Variants in FAM135A observed in about 807,000 individuals in gnomAD.
FAM135A encodes the protein protein FAM135A.
A neutral mutation model predicts 146.8 loss-of-function variants in FAM135A; 79 were observed. The observed-to-expected ratio is 0.54, with a 90% CI of 0.45 to 0.65. The LOEUF is 0.65. FAM135A is among the 30% of genes least tolerant of loss of function. The pLI is 0.00. For missense variants in FAM135A, 1,623 were observed against 1,758.2 expected, an observed-to-expected ratio of 0.92 and a Z score of 1.38; for synonymous variants, 562 against 603.6, an observed-to-expected ratio of 0.93 and a Z score of 1.01.
intron 4 of FAM135A, among the ~76,000 whole-genome samples, chr6:70,439,135 G>T (rs540215573): frequency 3.2e-4 from 49 of 152,250 alleles, no homozygotes; most frequent in Non-Finnish European, 5.7e-4. Context: ...GATTGCACCA[G>T]CCTAGCCTGG....
intron 7 of FAM135A, 62 bp downstream of exon 7, chr6:70,475,795 A>T (rs772708878): frequency 9.2e-6 from 12 of 1,308,614 alleles, no homozygotes; most frequent in African/African-American, 1.5e-5. Flanking sequence ...TTATTATTAG[A>T]TTGCCCATTT....
intron 12 of FAM135A, among the ~76,000 whole-genome samples, chr6:70,521,876 G>A (rs1012483603): frequency 6.6e-6 from 1 of 152,134 alleles, no homozygotes; most frequent in Admixed American, 6.5e-5. Context: ...TACATGTTTT[G>A]TGGGGATGCA....
chr6:70,453,338 G>T lies in FAM135A; in HGVS notation c.157+767G>T, dbSNP rs535452694. Among the ~76,000 whole-genome samples the T allele has an allele frequency of 2.0e-5, 3 of 152,210 alleles. No individual in the cohort carries two copies. In the South Asian group the frequency reaches 6.2e-4, roughly 32 times the overall value. On this transcript the variant is annotated intron_variant, in intron 5 of 21. Coordinates refer to ENST00000418814, the MANE Select transcript of FAM135A (RefSeq NM_001162529.3). The stretch of plus-strand genomic sequence containing the variant: ...TTTGAAATTTTAAAAAACTTGTTGG[G>T]TATTTGAAGTGTTTAGGATTCTCTT...
intron 4 of FAM135A, among the ~76,000 whole-genome samples, chr6:70,449,282 A>G (rs1001683618): frequency 6.6e-6 from 1 of 151,826 alleles, no homozygotes; most frequent in African/African-American, 2.4e-5. Flanking sequence ...TTCTTTTAGG[A>G]ATTTTGAGAT....
At chr6:70,501,162 G>C (rs1788404505) in intron 11 of FAM135A, among the ~76,000 whole-genome samples, 1 of 152,190 alleles carries the variant, frequency 6.6e-6, no homozygotes, top group Non-Finnish European at 1.5e-5. Flanking sequence ...GCCCCTGACT[G>C]GGGCTGTTAC....
chr6:70,481,484 A>G (rs537877994), intron 9 of FAM135A, among the ~76,000 whole-genome samples: 1 of 152,198 alleles, frequency 6.6e-6, no homozygotes, highest in South Asian at 2.1e-4. Context: ...CCCCACCTCT[A>G]CAAAAAATAA....
intron 5 of FAM135A, among the ~76,000 whole-genome samples, chr6:70,463,370 C>A (rs541355023): frequency 7.9e-5 from 12 of 151,712 alleles, no homozygotes; most frequent in Non-Finnish European, 1.3e-4. Context: ...CCACATCAGC[C>A]TCTCAAAGTA....
At position 70,536,290 on chromosome 6, in the gene FAM135A, A is replaced by C; in HGVS notation, c.3996A>C (p.Ile1332=). Residue 1332 remains isoleucine, a synonymous_variant, in exon 19 of 22, where the codon ATA becomes ATC. Coordinates refer to ENST00000418814, the MANE Select transcript of FAM135A (RefSeq NM_001162529.3). ...TTGGACATTCGTTGGGCAATTTAAT[A>C]ATTCGTTCAGTGCTTACAAGGCCAA... ...SFIGHSLGNL[I]IRSVLTRPRF... 6.2e-7 allele frequency: 1 copy of C among 1,609,126 alleles called. No homozygotes were observed. The highest frequency in any genetic ancestry group is 1.1e-5 in the South Asian group (1 of 89,628).
chr6:70,523,854 T>A, intron 13 of FAM135A, 113 bp from the exon 14 acceptor site: 1 of 1,004,666 alleles, frequency 1.0e-6, no homozygotes, highest in Non-Finnish European at 1.5e-6. Context: ...GAAGGTTATG[T>A]CTTGCAGATG....
At chr6:70,498,704 T>C (rs1183881228) in intron 11 of FAM135A, among the ~76,000 whole-genome samples, 1 of 152,202 alleles carries the variant, frequency 6.6e-6, no homozygotes, top group East Asian at 1.9e-4. Context: ...TCAAAGAACT[T>C]CTTTATTTCT....
chr6:70,464,833 A>ATTTTT lies in FAM135A; in HGVS notation c.158-10552_158-10548dup, dbSNP rs67408160. Among the ~76,000 whole-genome samples the ATTTTT allele has an allele frequency of 5.3e-3, 338 of 64,310 alleles. 33 individuals carry two copies. The highest frequency in any genetic ancestry group is 0.016 in the African/African-American group (227 of 14,028). 42.2% of individuals were successfully genotyped at this position (64,310 alleles called of 152,430 possible). ...AGGCATGCACCACCACGCCTGGCCA[A>ATTTTT]TTTTTTTTTTTTTTTTTTTTTTTTT... is the stretch of plus-strand genomic sequence containing the variant. On this transcript the variant is annotated intron_variant, in intron 5 of 21. Transcript: ENST00000418814.
chr6:70,494,607 G>T (rs1256944611), intron 11 of FAM135A, among the ~76,000 whole-genome samples: 2 of 151,748 alleles, frequency 1.3e-5, no homozygotes, highest in East Asian at 1.9e-4. Flanking sequence ...ATATAAAAAA[G>T]AATTATATTA....
rs535976800 is a variant in FAM135A, at chr6:70,424,972, T to C, written c.-133-1467T>C. ...TGTTATAGCAGTATCTTAATTCTGA[T>C]ATTAATTTCTATATTAAGGAAAAGG... is the stretch of plus-strand genomic sequence containing the variant. On this transcript the variant is annotated intron_variant, in intron 2 of 21. Coordinates refer to ENST00000418814, the MANE Select transcript of FAM135A (RefSeq NM_001162529.3). Among the ~76,000 whole-genome samples the C allele has an allele frequency of 1.0e-3, 156 of 152,058 alleles. 1 individual carries two copies. The Middle Eastern group carries it at 0.021, about 20-fold the overall frequency.
chr6:70,448,756 C>G (rs1255760792), intron 4 of FAM135A, among the ~76,000 whole-genome samples: 2 of 152,192 alleles, frequency 1.3e-5, no homozygotes, highest in East Asian at 3.8e-4. Flanking sequence ...AAAAGTATCC[C>G]TTATGGGAAA....
chr6:70,437,325 G>T (rs1371565432), intron 4 of FAM135A, among the ~76,000 whole-genome samples: 1 of 152,038 alleles, frequency 6.6e-6, no homozygotes, highest in African/African-American at 2.4e-5. Context: ...TATTAATAAA[G>T]ACCTTTTTTG....
At chr6:70,501,799 CT>C (rs1788618723) in intron 11 of FAM135A, among the ~76,000 whole-genome samples, 1 of 152,194 alleles carries the variant, frequency 6.6e-6, no homozygotes, top group Admixed American at 6.5e-5. Context: ...GACTCACTGC[CT>C]AACCAGTGCC....
At chr6:70,459,059 T>G (rs149025055) in intron 5 of FAM135A, among the ~76,000 whole-genome samples, 1 of 152,306 alleles carries the variant, frequency 6.6e-6, no homozygotes, top group African/African-American at 2.4e-5. Context: ...TAGCTTTATA[T>G]AGGATGATTT....
chr6:70,494,580 T>A (rs914968596), intron 11 of FAM135A, among the ~76,000 whole-genome samples: 3 of 151,998 alleles, frequency 2.0e-5, no homozygotes, highest in Non-Finnish European at 4.4e-5. Context: ...CAAACTTAAT[T>A]CTAATTTCCT....
chr6:70,477,443 A>G, intron 8 of FAM135A, 111 bp downstream of exon 8: 2 of 1,138,024 alleles, frequency 1.8e-6, no homozygotes, highest in Non-Finnish European at 2.4e-6. Flanking sequence ...ATGGTTCTTC[A>G]GGCTGTACAG....
Sources: allele counts gnomAD v4.1 joint callset (sites outside exome capture counted in the v4.1 genomes callset), GRCh38; gene constraint gnomAD v4.1.1; transcripts MANE v1.5; gene names NCBI Gene and HGNC (gene_info 2026-07-23, HGNC 2026-07-21).